SLC35F4: variants seen among roughly 807,000 people sequenced by gnomAD.
The protein encoded by SLC35F4 is chromosome 14 open reading frame 36.
Under a neutral mutation model 44.2 loss-of-function variants are expected in SLC35F4, and 24 were observed. The observed-to-expected ratio is 0.54, with a 90% CI of 0.39 to 0.76. The LOEUF is 0.76. SLC35F4 is among the 30% of genes least tolerant of loss of function. The pLI, the probability that SLC35F4 is intolerant of heterozygous loss-of-function variation, is 0.00. For missense variants in SLC35F4, 562 were observed against 586.1 expected, an observed-to-expected ratio of 0.96 and a Z score of 0.42; for synonymous variants, 238 against 223.6, an observed-to-expected ratio of 1.06 and a Z score of -0.57.
intron 1 of SLC35F4, among the ~76,000 whole-genome samples, chr14:57,906,730 C>T (rs1201295722): frequency 6.6e-6 from 1 of 152,148 alleles, no homozygotes; most frequent in African/African-American, 2.4e-5. Context: ...CAACTATAAG[C>T]TTATTCATAA....
At chr14:57,869,007 C>T (rs575907842), upstream of SLC35F4, among the ~76,000 whole-genome samples, 2 of 151,992 alleles carry the variant, frequency 1.3e-5, no homozygotes, top group African/African-American at 2.4e-5. Flanking sequence ...AATTATAATT[C>T]GATTTGTTAT....
intron 1 of SLC35F4, among the ~76,000 whole-genome samples, chr14:57,967,281 T>C (rs148858265): frequency 2.0e-5 from 3 of 152,316 alleles, no homozygotes; most frequent in East Asian, 1.9e-4. Context: ...AATAAAAATG[T>C]CATTACTGTT....
intron 1 of SLC35F4, among the ~76,000 whole-genome samples, chr14:57,828,348 A>G (rs1269639014): frequency 6.6e-6 from 1 of 152,174 alleles, no homozygotes; most frequent in Non-Finnish European, 1.5e-5. Flanking sequence ...CTATGAGCAT[A>G]GTCAGCATTG....
intron 1 of SLC35F4, among the ~76,000 whole-genome samples, chr14:57,717,377 C>T (rs897635737): frequency 6.6e-6 from 1 of 152,162 alleles, no homozygotes; most frequent in Non-Finnish European, 1.5e-5. Flanking sequence ...TGGCTCACCC[C>T]TGTAATCCCA....
At chr14:57,831,133 A>G (rs1000074242) in intron 1 of SLC35F4, among the ~76,000 whole-genome samples, 1 of 152,216 alleles carries the variant, frequency 6.6e-6, no homozygotes, top group African/African-American at 2.4e-5. Context: ...TCAGGCCAGC[A>G]GAGCAGGGAG....
chr14:57,965,741 C>T (rs994677557), intron 1 of SLC35F4, among the ~76,000 whole-genome samples: 13 of 152,164 alleles, frequency 8.5e-5, no homozygotes, highest in African/African-American at 3.1e-4. Context: ...GGACCCAATG[C>T]TTAATGTGAG....
At chr14:57,645,460 C>A (rs1344965627) in intron 1 of SLC35F4, among the ~76,000 whole-genome samples, 6 of 151,990 alleles carry the variant, frequency 3.9e-5, no homozygotes, top group Non-Finnish European at 8.8e-5. Flanking sequence ...GTGATTTTTG[C>A]ACATTGATTT....
chr14:57,779,789 C>A (rs2077573587), intron 1 of SLC35F4, among the ~76,000 whole-genome samples: 1 of 151,992 alleles, frequency 6.6e-6, no homozygotes, highest in South Asian at 2.1e-4. Context: ...CCAATAAAAT[C>A]GATAAATGTG....
intron 1 of SLC35F4, among the ~76,000 whole-genome samples, chr14:57,943,048 T>C (rs1042136468): frequency 1.3e-5 from 2 of 152,194 alleles, no homozygotes; most frequent in Non-Finnish European, 2.9e-5. Context: ...TTCCAATCTC[T>C]TTGTTCCTCA....
intron 1 of SLC35F4, among the ~76,000 whole-genome samples, chr14:57,716,122 G>C (rs990521487): frequency 3.9e-5 from 6 of 152,180 alleles, no homozygotes; most frequent in African/African-American, 1.4e-4. Context: ...ACCACTGTGT[G>C]CGTGCGGGTT....
At chr14:57,787,229 A>G (rs1020862179) in intron 1 of SLC35F4, among the ~76,000 whole-genome samples, 2 of 152,168 alleles carry the variant, frequency 1.3e-5, no homozygotes, top group African/African-American at 4.8e-5. Context: ...AAGAAAAAGA[A>G]AACATGAACA....
intron 1 of SLC35F4, among the ~76,000 whole-genome samples, chr14:57,864,389 T>C (rs999984937): frequency 1.3e-5 from 2 of 152,174 alleles, no homozygotes; most frequent in African/African-American, 2.4e-5. Flanking sequence ...GGAAAATGAA[T>C]AATTTAAGCC....
At chr14:57,925,870 C>T (rs147621114) in intron 1 of SLC35F4, among the ~76,000 whole-genome samples, 264 of 152,272 alleles carry the variant, frequency 1.7e-3, no homozygotes, top group Non-Finnish European at 2.4e-3. Flanking sequence ...TCTTCTTCCT[C>T]GTGTATCTCA....
intron 1 of SLC35F4, among the ~76,000 whole-genome samples, chr14:57,949,535 T>C (rs1890097312): frequency 1.3e-5 from 2 of 152,178 alleles, no homozygotes; most frequent in African/African-American, 4.8e-5. Context: ...AATGTCAATA[T>C]TGAGATGTGA....
At chr14:57,958,460 GA>G (rs1202067113) in intron 1 of SLC35F4, among the ~76,000 whole-genome samples, 1 of 151,224 alleles carries the variant, frequency 6.6e-6, no homozygotes, top group Non-Finnish European at 1.5e-5. Context: ...CAAATCCTCA[GA>G]GATGCAAAGT....
chr14:57,670,421 G>C (rs1470182193), intron 1 of SLC35F4, among the ~76,000 whole-genome samples: 2 of 151,978 alleles, frequency 1.3e-5, no homozygotes, highest in Non-Finnish European at 1.5e-5. Context: ...TAATTGTGAT[G>C]TTAGGGTGTT....
intron 1 of SLC35F4, among the ~76,000 whole-genome samples, chr14:57,872,722 T>A (rs1241604387): frequency 1.3e-5 from 2 of 152,196 alleles, no homozygotes; most frequent in African/African-American, 4.8e-5. Context: ...CCATTCTGAA[T>A]GGACTTCCCT....
intron 1 of SLC35F4, chr14:57,596,889 T>C: frequency 7.3e-7 from 1 of 1,367,254 alleles, no homozygotes; most frequent in Non-Finnish European, 9.8e-7. Flanking sequence ...CCAAGAGTAG[T>C]TCATCCATGA....
rs138795588 is a variant in SLC35F4 at position 57,800,029 on chromosome 14, C to T, written c.103+65694G>A. Among the ~76,000 whole-genome samples, 97 of 152,326 alleles carry T rather than the reference C, an allele frequency of 6.4e-4. 1 individual carries two copies. Among genetic ancestry groups the T allele is most frequent in the Non-Finnish European group, 1.2e-3 (80 of 68,018 alleles). On this transcript the variant is annotated intron_variant, in intron 1 of 7. Coordinates refer to ENST00000556826, the MANE Select transcript of SLC35F4 (RefSeq NM_001306087.2). ...GCAGTGGCCAGACTGCTTCTTTAAG[C>T]CGGACCCCAATCCCATTCCTCCTGA...
Sources: gnomAD v4.1 joint callset for allele counts (sites outside exome capture counted in the v4.1 genomes callset) on GRCh38, gnomAD v4.1.1 for gene constraint, MANE v1.5 for transcripts, NCBI Gene and HGNC (gene_info 2026-07-23, HGNC 2026-07-21) for gene names.